The following GAREM1 variants were observed in gnomAD, a reference collection of about 807,000 sequenced individuals.
GAREM1 encodes GRB2-associated and regulator of MAPK protein 1.
A neutral mutation model predicts 71.3 loss-of-function variants in GAREM1; 26 were observed. The ratio of observed to expected loss-of-function variants is 0.36; its 90% CI spans 0.27 to 0.51. The LOEUF is 0.51. GAREM1 is among the 20% of genes least tolerant of loss of function. GAREM1 has a pLI of 0.95. For missense variants in GAREM1, 1,026 were observed against 1,103.1 expected (o/e 0.93, Z 0.99); for synonymous variants, 440 against 433.2 (o/e 1.02, Z -0.20).
intron 2 of GAREM1, among the ~76,000 whole-genome samples, chr18:32,317,944 C>T (rs1183386572): frequency 4.6e-5 from 7 of 152,134 alleles, no homozygotes; most frequent in African/African-American, 9.7e-5. Flanking sequence ...GACCATTTCA[C>T]GAATAACAGA....
At chr18:32,309,607 C>G in intron 3 of GAREM1, among the ~76,000 whole-genome samples, 1 of 95,496 alleles carries the variant, frequency 1.0e-5, no homozygotes, top group Non-Finnish European at 1.9e-5. Context: ...CAGAGCAAGA[C>G]TCAGTCTCAA....
intron 2 of GAREM1, among the ~76,000 whole-genome samples, chr18:32,357,648 T>C (rs767177394): frequency 2.0e-5 from 3 of 152,230 alleles, no homozygotes; most frequent in Admixed American, 6.5e-5. Context: ...GTTACTTGCA[T>C]TGGAGCTTTC....
chr18:32,305,966 C>G (rs942830949), intron 3 of GAREM1, among the ~76,000 whole-genome samples: 1 of 152,170 alleles, frequency 6.6e-6, no homozygotes, highest in East Asian at 1.9e-4. Context: ...ATACCTGCAT[C>G]GAGGGAGCCG....
At chr18:32,465,420 T>C (rs2144319553) in intron 1 of GAREM1, among the ~76,000 whole-genome samples, 1 of 152,246 alleles carries the variant, frequency 6.6e-6, no homozygotes, top group South Asian at 2.1e-4. Context: ...CAGTAAATGA[T>C]AAAGCTGCAG....
At chr18:32,285,634 T>A (rs2047006627) in intron 4 of GAREM1, among the ~76,000 whole-genome samples, 1 of 152,224 alleles carries the variant, frequency 6.6e-6, no homozygotes, top group East Asian at 1.9e-4. Flanking sequence ...CTCTCATTCA[T>A]CCCGCGACTA....
intron 1 of GAREM1, among the ~76,000 whole-genome samples, chr18:32,427,158 G>T (rs948746678): frequency 2.0e-5 from 3 of 152,050 alleles, no homozygotes; most frequent in Non-Finnish European, 4.4e-5. Context: ...CATTTGCACT[G>T]CAAATCAATA....
intron 3 of GAREM1, among the ~76,000 whole-genome samples, chr18:32,293,342 T>G (rs1266458314): frequency 6.6e-6 from 1 of 152,028 alleles, no homozygotes; most frequent in African/African-American, 2.4e-5. Flanking sequence ...AAGGTGCTCA[T>G]AAGATGATGG....
chr18:32,350,968 C>A (rs1204609828), intron 2 of GAREM1, among the ~76,000 whole-genome samples: 2 of 152,022 alleles, frequency 1.3e-5, no homozygotes, highest in East Asian at 1.9e-4. Flanking sequence ...AGGAAGAGTA[C>A]AAATACTGGC....
At chr18:32,394,522 C>G (rs1382029619) in intron 1 of GAREM1, among the ~76,000 whole-genome samples, 1 of 152,058 alleles carries the variant, frequency 6.6e-6, no homozygotes, top group Admixed American at 6.6e-5. Context: ...AAAAATAGAT[C>G]TGGAAGTGGA....
At position 32,310,262 on chromosome 18, in the gene GAREM1, A is replaced by G. The variant is rs770711701; in HGVS notation, c.324T>C (p.Ser108=). The change falls in exon 3 of 6, where the codon AGT becomes AGC. Residue 108 remains serine, a synonymous_variant. Transcript: ENST00000269209. The stretch of plus-strand genomic sequence containing the variant: ...GAAATGCCTTAGCCACCTCCTCCAC[A>G]CTGTTGAAATATTGCACTGGCTCCT... ...DIKEPVQYFN[S]VEEVAKAFPE... The G allele has an allele frequency of 3.6e-5, 58 of 1,613,922 alleles. No homozygotes were observed. The East Asian group carries it at 6.7e-4, about 19-fold the overall frequency.
Position 32,318,576 on chromosome 18 carries a change from G to T in GAREM1, c.263-8253C>A, listed in dbSNP as rs112886524. On this transcript the variant is annotated intron_variant, in intron 2 of 5. Transcript: ENST00000269209. ...TTCAGGTCTGTCCAGTTTGCTTCTG[G>T]TTGGGAAGTTAGGGTTAGTGCCACC... Among the ~76,000 whole-genome samples the T allele has an allele frequency of 1.4e-3, 210 of 152,280 alleles. 1 individual carries two copies. Among genetic ancestry groups the T allele is most frequent in the African/African-American group, 4.8e-3 (201 of 41,556 alleles).
At chr18:32,436,426 T>C (rs958009354) in intron 1 of GAREM1, among the ~76,000 whole-genome samples, 1 of 152,198 alleles carries the variant, frequency 6.6e-6, no homozygotes, top group African/African-American at 2.4e-5. Flanking sequence ...CAAGAGGACA[T>C]ATATTTATCT....
chr18:32,305,015 A>G (rs539722300), intron 3 of GAREM1, among the ~76,000 whole-genome samples: 4 of 152,282 alleles, frequency 2.6e-5, no homozygotes, highest in African/African-American at 9.6e-5. Flanking sequence ...GAAAAAACTA[A>G]GAGAGATAAT....
chr18:32,283,621 C>T (rs1047675912), intron 4 of GAREM1, among the ~76,000 whole-genome samples: 1 of 151,876 alleles, frequency 6.6e-6, no homozygotes, highest in African/African-American at 2.4e-5. Flanking sequence ...CTAGAGCATA[C>T]AATTCTAGAG....
intron 1 of GAREM1, among the ~76,000 whole-genome samples, chr18:32,435,832 C>T (rs1052674553): frequency 4.6e-5 from 7 of 152,074 alleles, no homozygotes; most frequent in Admixed American, 2.6e-4. Context: ...CTAGAGTGTG[C>T]CAGGCAGTTT....
chr18:32,267,663 A>G lies in GAREM1; in HGVS notation c.*208T>C. ...GTGTTTGTTGAGTGACGTACAAGGC[A>G]CACCTCCAAGTGTTCTGTACAGCAT... On this transcript the variant is annotated 3_prime_UTR_variant, in exon 6 of 6. Transcript: ENST00000269209. 1 of 505,728 alleles carries G rather than the reference A, an allele frequency of 2.0e-6. No homozygotes were observed. Among genetic ancestry groups the G allele is most frequent in the Non-Finnish European group, 3.5e-6 (1 of 288,626 alleles). 31.3% of individuals were successfully genotyped at this position (505,728 alleles called of 1,614,324 possible).
Position 32,346,526 on chromosome 18 carries a change from C to T in GAREM1, c.263-36203G>A, listed in dbSNP as rs528538197. ...TTAAAAAGGTGACCAAGCATGGGTT[C>T]GATGATTGGTTTGTTTCACACCACA... is the stretch of plus-strand genomic sequence containing the variant. On this transcript the variant is annotated intron_variant, in intron 2 of 5. Coordinates refer to ENST00000269209, the MANE Select transcript of GAREM1 (RefSeq NM_001242409.2). 1.6e-4 allele frequency among the ~76,000 whole-genome samples: 24 copies of T among 152,170 alleles called. No individual in the cohort carries two copies. The East Asian group carries it at 3.3e-3, about 21-fold the overall frequency.
At chr18:32,324,877 G>A (rs1013625354) in intron 2 of GAREM1, among the ~76,000 whole-genome samples, 2 of 152,198 alleles carry the variant, frequency 1.3e-5, no homozygotes, top group African/African-American at 4.8e-5. Context: ...TCTGGAAAAG[G>A]CAAAACTATG....
intron 2 of GAREM1, among the ~76,000 whole-genome samples, chr18:32,382,321 A>C (rs1180863089): frequency 1.3e-5 from 2 of 152,136 alleles, no homozygotes; most frequent in East Asian, 3.9e-4. Flanking sequence ...TTCTTGAAGA[A>C]GGTGGTAAAA....
Sources: allele counts gnomAD v4.1 joint callset (sites outside exome capture counted in the v4.1 genomes callset), GRCh38; gene constraint gnomAD v4.1.1; transcripts MANE v1.5; gene names NCBI Gene and HGNC (gene_info 2026-07-23, HGNC 2026-07-21).